BTN3A3: variants seen among roughly 807,000 people sequenced by gnomAD.
BTN3A3 encodes butyrophilin subfamily 3 member A3.
Under a neutral mutation model 43.2 loss-of-function variants are expected in BTN3A3, and 39 were observed. The observed-to-expected ratio is 0.90, with a 90% confidence interval of 0.70 to 1.18. BTN3A3 has a LOEUF of 1.18. Among genes scored for constraint, BTN3A3 ranks in the 50% most tolerant of loss-of-function variants. The probability of loss-of-function intolerance (pLI) is 0.00; values close to 1 mark genes in which losing one functional copy is unlikely to be tolerated. For missense variants in BTN3A3, 631 were observed against 722.8 expected (o/e 0.87, Z 1.46); for synonymous variants, 255 against 272.7 (o/e 0.93, Z 0.64).
At chr6:26,447,759 G>T (rs1324063838) in intron 5 of BTN3A3, among the ~76,000 whole-genome samples, 2 of 152,138 alleles carry the variant, frequency 1.3e-5, no homozygotes, top group East Asian at 1.9e-4. Flanking sequence ...AAACAGAGAG[G>T]TTATGTAAGT....
chr6:26,446,633 A>G (rs1762785792), intron 5 of BTN3A3, among the ~76,000 whole-genome samples: 1 of 152,192 alleles, frequency 6.6e-6, no homozygotes, highest in South Asian at 2.1e-4. Context: ...ATCTATCCAA[A>G]CTACATATTT....
intron 5 of BTN3A3, 145 bp downstream of exon 5, chr6:26,446,130 C>A: frequency 7.5e-7 from 1 of 1,326,806 alleles, no homozygotes. Context: ...GACCTGAAGG[C>A]TACTCACTGC....
intron 10 of BTN3A3, 181 bp downstream of exon 10, chr6:26,450,314 C>A: frequency 1.5e-6 from 1 of 659,240 alleles, no homozygotes; most frequent in Non-Finnish European, 2.6e-6. Context: ...CGCTGAGAGC[C>A]CAGGGAACCA....
At position 26,452,245 on chromosome 6, in the gene BTN3A3, A is replaced by G. The variant is rs762499889; in HGVS notation, c.1589A>G (p.His530Arg). ...CCCGATCCTGACCTAGTGCCTGATC[A>G]TTCCCTGGAGACACCACTGACCCCG... is the stretch of plus-strand genomic sequence containing the variant. ...SSPDPDLVPD[H>R]SLETPLTPGL... The change falls in exon 11 of 11, where the codon CAT (histidine) becomes CGT (arginine). Residue 530 changes from histidine (H) to arginine (R), a missense_variant. Around this residue, in one of 2 missense-constraint regions of BTN3A3, gnomAD observed 551 missense variants for 584.0 expected, o/e 0.94. Transcript: ENST00000244519. 9 of 1,614,192 alleles carry G rather than the reference A, an allele frequency of 5.6e-6. No homozygotes were observed. The highest frequency in any genetic ancestry group is 7.6e-6 in the Non-Finnish European group (9 of 1,180,040).
chr6:26,448,443 TA>T lies in BTN3A3; in HGVS notation c.913del (p.Arg305GlufsTer38). The T allele has an allele frequency of 2.5e-6, 4 of 1,612,960 alleles. No homozygotes were observed. The highest frequency in any genetic ancestry group is 3.4e-6 in the Non-Finnish European group (4 of 1,179,528). The part of the protein sequence containing the change: ...GYAATEQEIS[L>X]REKLQEELKW... ...GCTGCAACAGAGCAAGAAATAAGCC[TA>T]AGAGGTATCCAACGCAAGCAGAGAA... On this transcript the variant is annotated frameshift_variant, in exon 6 of 11. Coordinates refer to ENST00000244519, the MANE Select transcript of BTN3A3 (RefSeq NM_006994.5). LOFTEE classifies it high-confidence loss of function.
Position 26,444,284 on chromosome 6 carries a change from T to C in BTN3A3, c.413T>C (p.Leu138Pro). 4.3e-6 allele frequency: 7 copies of C among 1,612,044 alleles called. No homozygotes were observed. Among genetic ancestry groups the C allele is most frequent in the Non-Finnish European group, 5.9e-6 (7 of 1,179,866 alleles). The change falls in exon 4 of 11, where the codon CTG (leucine) becomes CCG (proline). Residue 138 changes from leucine (L) to proline (P), a missense_variant. By Grantham distance (98) the Leu-to-Pro change is moderately conservative. Coordinates refer to ENST00000244519, the MANE Select transcript of BTN3A3 (RefSeq NM_006994.5). ...GATGGTGACTTCTACGAAAAAGCCC[T>C]GGTGGAGCTGAAGGTTGCAGGTGAG... is the stretch of plus-strand genomic sequence containing the variant. ...FQDGDFYEKA[L>P]VELKVAALGS...
intron 1 of BTN3A3, 128 bp downstream of exon 1, chr6:26,440,776 G>A (rs1198014392): frequency 3.2e-5 from 1 of 31,032 alleles, no homozygotes; most frequent in Admixed American, 3.5e-4. Context: ...GTGCCTCTGT[G>A]TGTGTGTGTG....
chr6:26,445,959 A>G lies in BTN3A3; in HGVS notation c.689A>G (p.Glu230Gly), dbSNP rs770145744. The G allele has an allele frequency of 7.4e-6, 12 of 1,614,028 alleles. 1 individual carries two copies. The highest frequency in any genetic ancestry group is 8.5e-6 in the Non-Finnish European group (10 of 1,180,022). The part of the protein sequence containing the change: ...CIIRNSLLGL[E>G]KTASISIADP... The stretch of plus-strand genomic sequence containing the variant: ...ATCAGAAATTCCCTCCTCGGCCTGG[A>G]AAAGACAGCCAGCATATCCATCGCA... The change falls in exon 5 of 11, where the codon GAA becomes GGA. Residue 230 changes from glutamate (E) to glycine (G), a missense_variant. Glu to Gly is a moderately conservative substitution (Grantham distance 98). Around this residue, in one of 2 missense-constraint regions of BTN3A3, gnomAD observed 551 missense variants for 584.0 expected, o/e 0.94. Transcript: ENST00000244519.
chr6:26,451,589 T>C lies in BTN3A3; in HGVS notation c.1019-86T>C. ...ACGCCAGGTTCTGGAAGGACCTCCT[T>C]AGCATGGTCCAGGCCTTGCATGCTG... On this transcript the variant is annotated intron_variant, in intron 10 of 10. Transcript: ENST00000244519. The C allele has an allele frequency of 2.6e-6, 4 of 1,531,380 alleles. No individual in the cohort carries two copies. In the South Asian group the frequency reaches 5.3e-5, roughly 20 times the overall value. 94.9% of individuals were successfully genotyped at this position (1,531,380 alleles called of 1,614,324 possible).
At chr6:26,446,437 A>G (rs1466181095) in intron 5 of BTN3A3, among the ~76,000 whole-genome samples, 2 of 152,250 alleles carry the variant, frequency 1.3e-5, no homozygotes, top group South Asian at 2.1e-4. Flanking sequence ...AAGAGTGCTC[A>G]TTCTCACTCA....
intron 1 of BTN3A3, 33 bp downstream of exon 1, chr6:26,440,681 A>T (rs1429807029): frequency 6.6e-6 from 1 of 152,464 alleles, no homozygotes; most frequent in African/African-American, 2.4e-5. Flanking sequence ...AGCCTGGGCT[A>T]CAATGCCTGG....
Position 26,451,717 on chromosome 6 carries a change from T to G in BTN3A3, c.1061T>G (p.Leu354Arg). Residue 354 changes from leucine to arginine, a missense_variant, in exon 11 of 11, where the codon CTT (leucine) becomes CGT (arginine). Physicochemically the swap from Leu to Arg is moderately radical, Grantham distance 102 (BLOSUM62 -2). Transcript: ENST00000244519. ...CCAGACACGGCAAACGCCATCCTCCTTGTTTCTGAGGACCAGAGGAGTGTG... is the reference window on the plus strand; with the variant it reads ...CCAGACACGGCAAACGCCATCCTCCGTGTTTCTGAGGACCAGAGGAGTGTG... The part of the protein sequence containing the change: ...LDPDTANAIL[L>R]VSEDQRSVQR... The G allele has an allele frequency of 6.2e-7, 1 of 1,614,114 alleles. No individual in the cohort carries two copies.
chr6:26,443,711 T>C (rs1166700573), intron 3 of BTN3A3, 52 bp downstream of exon 3: 2 of 1,590,090 alleles, frequency 1.3e-6, no homozygotes, highest in African/African-American at 1.3e-5. Context: ...CAGACAATTA[T>C]CTCAATTACC....
chr6:26,444,694 G>A, intron 4 of BTN3A3: 1 of 331,960 alleles, frequency 3.0e-6, no homozygotes, highest in Non-Finnish European at 5.7e-6. Context: ...AATGGTGACT[G>A]TATCTGCTGC....
chr6:26,452,946 G>A lies in BTN3A3; in HGVS notation c.*535G>A, dbSNP rs796467289. 7 of 157,352 alleles carry A rather than the reference G, an allele frequency of 4.4e-5. No individual in the cohort carries two copies. Among genetic ancestry groups the A allele is most frequent in the African/African-American group, 1.7e-4 (7 of 41,548 alleles). 9.7% of individuals were successfully genotyped at this position (157,352 alleles called of 1,614,324 possible). On this transcript the variant is annotated 3_prime_UTR_variant, in exon 11 of 11. Transcript: ENST00000244519. ...CAGAGACTTAGACCCAGCACTCCTT[G>A]GATTAGCTCTGCAGAGTGTCTTGGT...
At chr6:26,444,504 C>T (rs9379875) in intron 4 of BTN3A3, 200 bp downstream of exon 4, 83,568 of 841,722 alleles carry the variant, frequency 0.099, 4,913 homozygotes, top group East Asian at 0.13. Context: ...CCTTACATGC[C>T]GAAGTAAACA....
rs1407397796 is a variant in BTN3A3 at position 26,445,924 on chromosome 6, A to G, written c.654A>G (p.Val218=). The change falls in exon 5 of 11, where the codon GTA becomes GTG. Residue 218 remains valine, a synonymous_variant. Transcript: ENST00000244519. ...TGAGAGGCAGCTCTGGTGGGGGTGT[A>G]TCCTGCATCATCAGAAATTCCCTCC... The part of the protein sequence containing the change: ...VIMRGSSGGG[V]SCIIRNSLLG... 7 of 1,614,184 alleles carry G rather than the reference A, an allele frequency of 4.3e-6. No individual in the cohort carries two copies. The South Asian group carries it at 7.7e-5, about 18-fold the overall frequency.
chr6:26,452,640 T>C lies in BTN3A3; in HGVS notation c.*229T>C, dbSNP rs977250012. 4 of 511,690 alleles carry C rather than the reference T, an allele frequency of 7.8e-6. No homozygotes were observed. The highest frequency in any genetic ancestry group is 7.6e-5 in the African/African-American group (4 of 52,322). 31.7% of individuals were successfully genotyped at this position (511,690 alleles called of 1,614,324 possible). ...GCTTTGGTGGATGTCACTCCTTTAA[T>C]CCTCACAACACCCTGTCGGGTAGTC... On this transcript the variant is annotated 3_prime_UTR_variant, in exon 11 of 11. Coordinates refer to ENST00000244519, the MANE Select transcript of BTN3A3 (RefSeq NM_006994.5).
chr6:26,448,572 C>A, intron 6 of BTN3A3, 45 bp from the exon 7 acceptor site: 1 of 1,613,546 alleles, frequency 6.2e-7, no homozygotes, highest in Non-Finnish European at 8.5e-7. Context: ...CCCCCCTTAC[C>A]CATAACTGTT....
Sources: allele counts gnomAD v4.1 joint callset (sites outside exome capture counted in the v4.1 genomes callset), GRCh38; gene constraint gnomAD v4.1.1; regional missense constraint gnomAD v4.1.1; transcripts MANE v1.5; gene names NCBI Gene and HGNC (gene_info 2026-07-23, HGNC 2026-07-21).